SVEP1: variants seen among roughly 807,000 people sequenced by gnomAD.
The protein encoded by SVEP1 is sushi, von Willebrand factor type A, EGF and pentraxin domain-containing protein 1.
SVEP1 carries 164 observed loss-of-function variants against 367.3 expected under a neutral mutation model. The observed-to-expected ratio is 0.45, with a 90% CI of 0.39 to 0.51. The LOEUF (loss-of-function observed/expected upper bound fraction) is 0.51. Ranked by LOEUF, SVEP1 falls within the 20% of genes least tolerant of loss-of-function variation. SVEP1 has a pLI of 0.00. For missense variants in SVEP1, 4,117 were observed against 4,425.3 expected (o/e 0.93, Z 1.98); for synonymous variants, 1,666 against 1,611.6 (o/e 1.03, Z -0.81).
Position 110,400,970 on chromosome 9 carries a change from A to C in SVEP1, c.9706T>G (p.Cys3236Gly). ...TWEPPFSDES[C>G]SPVSCGKPES... ...GGTTTCCCACAAGAAACTGGACTGC[A>C]AGATTCATCGGAGAATGGTGGCTCC... The change falls in exon 40 of 48, where the codon TGC becomes GGC. Residue 3236 changes from cysteine to glycine, a missense_variant. Physicochemically the swap from Cys to Gly is radical, Grantham distance 159. This residue lies in a region of SVEP1 where 1,765 missense variants were observed against 1,781.1 expected (regional missense o/e 0.99). Transcript: ENST00000374469. 6.2e-7 allele frequency: 1 copy of C among 1,613,930 alleles called. No individual in the cohort carries two copies. The highest frequency in any genetic ancestry group is 1.1e-5 in the South Asian group (1 of 91,082).
chr9:110,524,348 G>T (rs1387162297), intron 3 of SVEP1, among the ~76,000 whole-genome samples: 1 of 151,962 alleles, frequency 6.6e-6, no homozygotes, highest in African/African-American at 2.4e-5. Context: ...GAGATGCAGA[G>T]TATAAATAAA....
At chr9:110,452,387 A>C (rs1828706815) in intron 22 of SVEP1, among the ~76,000 whole-genome samples, 2 of 152,302 alleles carry the variant, frequency 1.3e-5, no homozygotes, top group Admixed American at 6.5e-5. Flanking sequence ...CTATGATTCA[A>C]CACCAGGTGT....
At chr9:110,550,788 T>C (rs1830276621) in intron 1 of SVEP1, among the ~76,000 whole-genome samples, 1 of 152,218 alleles carries the variant, frequency 6.6e-6, no homozygotes, top group African/African-American at 2.4e-5. Context: ...GACTTTATTA[T>C]TTTAGGACAA....
chr9:110,423,104 A>G (rs1355307731), intron 36 of SVEP1, among the ~76,000 whole-genome samples: 3 of 143,588 alleles, frequency 2.1e-5, no homozygotes, highest in Non-Finnish European at 4.6e-5. Context: ...CGTGTACCCT[A>G]AAACTTAGAG....
intron 3 of SVEP1, among the ~76,000 whole-genome samples, chr9:110,539,626 C>A (rs371517641): frequency 1.0e-5 from 1 of 95,526 alleles, no homozygotes; most frequent in South Asian, 3.1e-4. Context: ...TATATATATA[C>A]ACATATATGT....
intron 36 of SVEP1, among the ~76,000 whole-genome samples, chr9:110,414,606 G>A (rs1438175989): frequency 2.0e-5 from 3 of 151,866 alleles, no homozygotes; most frequent in Non-Finnish European, 4.4e-5. Flanking sequence ...TTCTGGAATC[G>A]TAACAAAAAA....
At chr9:110,545,982 G>GC (rs1830215625) in intron 3 of SVEP1, 133 bp downstream of exon 3, 1 of 1,120,044 alleles carries the variant, frequency 8.9e-7, no homozygotes, top group African/African-American at 1.6e-5. Flanking sequence ...CACAGCTGAA[G>GC]CCCCAAAGAG....
At chr9:110,394,360 A>G (rs894272948) in intron 40 of SVEP1, among the ~76,000 whole-genome samples, 1 of 152,194 alleles carries the variant, frequency 6.6e-6, no homozygotes, top group African/African-American at 2.4e-5. Context: ...GTACGTCACC[A>G]TCATCAAAGA....
At chr9:110,510,600 T>C (rs1296646766) in intron 5 of SVEP1, among the ~76,000 whole-genome samples, 1 of 152,132 alleles carries the variant, frequency 6.6e-6, no homozygotes, top group African/African-American at 2.4e-5. Context: ...TGAGAGAGCA[T>C]GGCTATTTCT....
Position 110,489,676 on chromosome 9 carries a change from C to T in SVEP1, c.1904G>A (p.Ser635Asn), listed in dbSNP as rs1278960816. ...AATAACCTTGATATGGAAAATGCAG[C>T]TGGCCTGGTTGCCGGATAGGTCAGT... ...TATDLSGNQASCIFHIKVIDA... is the reference protein window; with the variant it reads ...TATDLSGNQANCIFHIKVIDA... Residue 635 changes from serine to asparagine, a missense_variant, in exon 9 of 48, where the codon AGC (serine) becomes AAC (asparagine). Physicochemically the swap from Ser to Asn is conservative, Grantham distance 46 (BLOSUM62 1). This residue lies in a region of SVEP1 where 2,174 missense variants were observed against 2,494.3 expected (regional missense o/e 0.87). Transcript: ENST00000374469. 1.9e-6 allele frequency: 3 copies of T among 1,613,266 alleles called. No individual in the cohort carries two copies. Among genetic ancestry groups the T allele is most frequent in the African/African-American group, 1.3e-5 (1 of 75,014 alleles).
chr9:110,416,326 G>C (rs1225294432), intron 36 of SVEP1, among the ~76,000 whole-genome samples: 1 of 151,652 alleles, frequency 6.6e-6, no homozygotes, highest in East Asian at 1.9e-4. Context: ...AAAAATGTTT[G>C]AAAAATAAAT....
intron 17 of SVEP1, among the ~76,000 whole-genome samples, chr9:110,468,178 G>A (rs1051929874): frequency 1.3e-5 from 2 of 152,190 alleles, no homozygotes; most frequent in Admixed American, 1.3e-4. Flanking sequence ...TGATGAATGT[G>A]GATTGGAGTT....
intron 29 of SVEP1, among the ~76,000 whole-genome samples, 174 bp downstream of exon 29, chr9:110,435,066 TA>T (rs1021468612): frequency 2.6e-5 from 4 of 152,228 alleles, no homozygotes; most frequent in East Asian, 3.9e-4. Context: ...ATTTTTGCAT[TA>T]AAAAAACAAA....
chr9:110,406,079 A>G, intron 38 of SVEP1, 81 bp downstream of exon 38: 2 of 1,490,174 alleles, frequency 1.3e-6, no homozygotes, highest in Non-Finnish European at 1.8e-6. Flanking sequence ...TTTCTTCCCA[A>G]TCAGCAAAAT....
At chr9:110,391,971 A>G (rs1051925289) in intron 40 of SVEP1, among the ~76,000 whole-genome samples, 1 of 151,746 alleles carries the variant, frequency 6.6e-6, no homozygotes, top group East Asian at 1.9e-4. Context: ...GTTGGGACTC[A>G]TCTCCTCCTC....
chr9:110,517,476 T>C (rs1174891825), intron 3 of SVEP1, among the ~76,000 whole-genome samples: 1 of 151,472 alleles, frequency 6.6e-6, no homozygotes, highest in African/African-American at 2.4e-5. Flanking sequence ...CAGTTGTCTG[T>C]AATCCCAGCT....
chr9:110,417,242 C>T (rs1462325026), intron 36 of SVEP1, among the ~76,000 whole-genome samples: 1 of 144,344 alleles, frequency 6.9e-6, no homozygotes, highest in Non-Finnish European at 1.5e-5. Flanking sequence ...ACGGTGGGCG[C>T]AGGCCAGTGT....
rs1333315606 is a variant in SVEP1, at chr9:110,379,338, T to C, written c.10408+9A>G. ...TCACTAAGAAATAACCATTCAAATA[T>C]TTCCTTACCTCTGCAAATAGGAGGT... is the stretch of plus-strand genomic sequence containing the variant. On this transcript the variant is annotated intron_variant, in intron 44 of 47. Transcript: ENST00000374469. The C allele has an allele frequency of 6.2e-7, 1 of 1,612,428 alleles. No individual in the cohort carries two copies. Among genetic ancestry groups the C allele is most frequent in the Admixed American group, 1.7e-5 (1 of 59,784 alleles).
chr9:110,539,245 T>C (rs1830115062), intron 3 of SVEP1, among the ~76,000 whole-genome samples: 1 of 152,000 alleles, frequency 6.6e-6, no homozygotes, highest in African/African-American at 2.4e-5. Context: ...TAGTTAGGTG[T>C]GATGGGAAAG....
Sources: gnomAD v4.1 joint callset for allele counts (sites outside exome capture counted in the v4.1 genomes callset) on GRCh38, gnomAD v4.1.1 for gene constraint, gnomAD v4.1.1 regional missense constraint, MANE v1.5 for transcripts, NCBI Gene and HGNC (gene_info 2026-07-23, HGNC 2026-07-21) for gene names.